NTM: variants seen among roughly 807,000 people sequenced by gnomAD.
NTM encodes neurotrimin.
NTM carries 13 observed loss-of-function variants against 42.1 expected under a neutral mutation model. The ratio of observed to expected loss-of-function variants is 0.31; its 90% CI spans 0.20 to 0.49. The LOEUF is 0.49. Ranked by LOEUF, NTM falls within the 20% of genes least tolerant of loss-of-function variation. NTM has a pLI of 0.99. For missense variants in NTM, 373 were observed against 452.8 expected (o/e 0.82, Z 1.60); for synonymous variants, 187 against 179.2 (o/e 1.04, Z -0.35).
At chr11:132,199,534 G>A (rs1467784620) in intron 3 of NTM, among the ~76,000 whole-genome samples, 2 of 152,140 alleles carry the variant, frequency 1.3e-5, no homozygotes, top group Non-Finnish European at 2.9e-5. Context: ...CTCATAGTAA[G>A]TGGTCAGGTG....
intron 2 of NTM, among the ~76,000 whole-genome samples, chr11:132,138,586 CTATCTATCTATCTATCTATCTATCTATCT>C (rs2068433229): frequency 7.6e-5 from 3 of 39,406 alleles, no homozygotes; most frequent in African/African-American, 2.1e-4. Context: ...ATCTATCTAT[CTATCTATCTATCTATCTATCTATCTATCT>C]ATCTATTCTA....
chr11:131,647,963 G>T (rs1229856237), intron 1 of NTM, among the ~76,000 whole-genome samples: 1 of 152,148 alleles, frequency 6.6e-6, no homozygotes, highest in Non-Finnish European at 1.5e-5. Context: ...AGGTGACAAA[G>T]CCTAGTACCC....
intron 7 of NTM, among the ~76,000 whole-genome samples, chr11:132,321,460 G>A (rs2095566976): frequency 6.6e-6 from 1 of 152,104 alleles, no homozygotes; most frequent in African/African-American, 2.4e-5. Flanking sequence ...AATGAAGCGA[G>A]AAGGAAAGTT....
chr11:131,607,086 G>C (rs1027095434), intron 1 of NTM, among the ~76,000 whole-genome samples: 2 of 152,206 alleles, frequency 1.3e-5, no homozygotes, highest in African/African-American at 4.8e-5. Flanking sequence ...AACCTAGCAT[G>C]CAAGTGCTGA....
At chr11:132,212,551 C>T (rs898152096) in intron 4 of NTM, among the ~76,000 whole-genome samples, 7 of 152,172 alleles carry the variant, frequency 4.6e-5, no homozygotes, top group Admixed American at 4.6e-4. Context: ...AAAGGAGATT[C>T]TCCAAGTCTG....
chr11:131,495,626 C>T (rs999597357), intron 1 of NTM, among the ~76,000 whole-genome samples: 3 of 151,872 alleles, frequency 2.0e-5, no homozygotes, highest in Non-Finnish European at 4.4e-5. Context: ...GTGCTGCAGC[C>T]TGGGAGTGCG....
At chr11:132,142,869 C>T (rs943608036) in intron 2 of NTM, among the ~76,000 whole-genome samples, 2 of 152,142 alleles carry the variant, frequency 1.3e-5, no homozygotes, top group Non-Finnish European at 2.9e-5. Flanking sequence ...GGACGGCTTC[C>T]GTTTCTGTCA....
rs2073575599 is a variant in NTM at position 132,017,224 on chromosome 11, T to C, written c.167+105576T>C. ...CTAATAATTTTACAATCCAAAGTTA[T>C]GAAGATTTTTCTTCTACATTTTCTC... On this transcript the variant is annotated intron_variant, in intron 2 of 8. Transcript: ENST00000683400. Among the ~76,000 whole-genome samples, 4 of 152,022 alleles carry C rather than the reference T, an allele frequency of 2.6e-5. No individual in the cohort carries two copies. In the South Asian group the frequency reaches 6.2e-4, roughly 24 times the overall value.
At chr11:132,173,644 G>A (rs2076392254) in intron 3 of NTM, among the ~76,000 whole-genome samples, 1 of 152,144 alleles carries the variant, frequency 6.6e-6, no homozygotes, top group Admixed American at 6.5e-5. Flanking sequence ...CAGTTTCCCT[G>A]TCTATTATGA....
chr11:131,957,311 GA>G (rs965383809), intron 2 of NTM, among the ~76,000 whole-genome samples: 2 of 152,108 alleles, frequency 1.3e-5, no homozygotes, highest in African/African-American at 4.8e-5. Flanking sequence ...TTTCTGTGAT[GA>G]AAAAGCAAGT....
intron 1 of NTM, among the ~76,000 whole-genome samples, chr11:131,436,883 C>T (rs1383346719): frequency 3.3e-5 from 5 of 152,184 alleles, no homozygotes; most frequent in South Asian, 2.1e-4. Flanking sequence ...GTTAGGGTGT[C>T]AATTTTAGAT....
rs553512474 is a variant in NTM at position 131,730,541 on chromosome 11, A to G, written c.83-181023A>G. Among the ~76,000 whole-genome samples the G allele has an allele frequency of 4.5e-4, 69 of 152,062 alleles. 1 individual carries two copies. The South Asian group carries it at 0.014, about 31-fold the overall frequency. ...ACCAGCCTGAGTAATATAGTGAGTG[A>G]GGCCTGGTCTTTAGAAAAAAAATTT... On this transcript the variant is annotated intron_variant, in intron 1 of 8. Transcript: ENST00000683400.
intron 1 of NTM, among the ~76,000 whole-genome samples, chr11:131,518,872 T>G (rs1269341786): frequency 2.0e-5 from 3 of 152,232 alleles, no homozygotes; most frequent in Non-Finnish European, 4.4e-5. Flanking sequence ...ATACCCGACC[T>G]TAATAACTAA....
At chr11:131,587,330 C>T (rs1447387264) in intron 1 of NTM, among the ~76,000 whole-genome samples, 2 of 152,022 alleles carry the variant, frequency 1.3e-5, no homozygotes, top group Admixed American at 1.3e-4. Flanking sequence ...TGCCTATAGT[C>T]CTAGCTACTC....
chr11:131,956,123 G>T (rs1019399792), intron 2 of NTM, among the ~76,000 whole-genome samples: 1 of 152,160 alleles, frequency 6.6e-6, no homozygotes, highest in Non-Finnish European at 1.5e-5. Flanking sequence ...CTCTGCAAAT[G>T]CCACAGATTT....
In NTM at chr11:132,198,004, G is replaced by A. The variant is rs372674859; in HGVS notation, c.401-14018G>A. Among the ~76,000 whole-genome samples, 78 of 152,084 alleles carry A rather than the reference G, an allele frequency of 5.1e-4. No homozygotes were observed. The South Asian group carries it at 0.015, about 30-fold the overall frequency. On this transcript the variant is annotated intron_variant, in intron 3 of 8. Transcript: ENST00000683400. Reference sequence around the variant, plus strand: ...AGCAGCAAGATTTATATTCTTTTGGGTATATACCCAGTAACGGGATGGCTG... The same window carrying A: ...AGCAGCAAGATTTATATTCTTTTGGATATATACCCAGTAACGGGATGGCTG...
intron 1 of NTM, among the ~76,000 whole-genome samples, chr11:131,875,460 A>G (rs1371383040): frequency 6.6e-6 from 1 of 152,198 alleles, no homozygotes. Context: ...ATGAATCTAT[A>G]ATAATGCAGA....
chr11:132,147,967 G>C (rs1053915045), intron 3 of NTM, among the ~76,000 whole-genome samples: 1 of 152,168 alleles, frequency 6.6e-6, no homozygotes, highest in African/African-American at 2.4e-5. Flanking sequence ...GGCAGGGTGA[G>C]CAGGACTGAG....
chr11:132,014,475 T>G (rs2072951686), intron 2 of NTM, among the ~76,000 whole-genome samples: 1 of 152,088 alleles, frequency 6.6e-6, no homozygotes, highest in African/African-American at 2.4e-5. Flanking sequence ...TTGTATTGTT[T>G]CCATAGTGGT....
Sources: allele counts gnomAD v4.1 joint callset (sites outside exome capture counted in the v4.1 genomes callset), GRCh38; gene constraint gnomAD v4.1.1; transcripts MANE v1.5; gene names NCBI Gene and HGNC (gene_info 2026-07-23, HGNC 2026-07-21).